TCAF1: variants seen among roughly 807,000 people sequenced by gnomAD.
The protein encoded by TCAF1 is TRPM8 channel-associated factor 1.
Under a neutral mutation model 27.3 loss-of-function variants are expected in TCAF1, and 4 were observed. The observed-to-expected ratio is 0.15, with a 90% confidence interval of 0.07 to 0.34. The LOEUF is 0.34. TCAF1 is among the 10% of genes least tolerant of loss of function. The pLI, the probability that TCAF1 is intolerant of heterozygous loss-of-function variation, is 1.00. For synonymous variants in TCAF1, 105 were observed against 167.1 expected, an observed-to-expected ratio of 0.63 and a Z score of 2.87; for missense variants, 257 against 425.8, an observed-to-expected ratio of 0.60 and a Z score of 3.49.
intron 1 of TCAF1, among the ~76,000 whole-genome samples, chr7:143,880,888 T>C (rs1012275243): frequency 6.6e-5 from 10 of 152,204 alleles, no homozygotes; most frequent in African/African-American, 2.4e-4. Flanking sequence ...TGAGCTCAAA[T>C]GAATAAAACC....
chr7:143,878,112 C>A (rs78866546), intron 1 of TCAF1, among the ~76,000 whole-genome samples: 1 of 152,102 alleles, frequency 6.6e-6, no homozygotes, highest in Non-Finnish European at 1.5e-5. Flanking sequence ...CTGCCATATA[C>A]GCTTGTCCTG....
chr7:143,878,942 C>T (rs1812865875), intron 1 of TCAF1, among the ~76,000 whole-genome samples: 1 of 152,092 alleles, frequency 6.6e-6, no homozygotes, highest in Non-Finnish European at 1.5e-5. Flanking sequence ...TTTCTAAAAC[C>T]ACTCTAATCA....
At chr7:143,898,247 A>G (rs1309015153) in intron 1 of TCAF1, among the ~76,000 whole-genome samples, 1 of 152,132 alleles carries the variant, frequency 6.6e-6, no homozygotes, top group Non-Finnish European at 1.5e-5. Context: ...GTCATTTTTA[A>G]GTTGACATAA....
chr7:143,891,126 T>G (rs1045682401), intron 1 of TCAF1, among the ~76,000 whole-genome samples: 1 of 152,206 alleles, frequency 6.6e-6, no homozygotes, highest in Non-Finnish European at 1.5e-5. Context: ...AAACTAATAT[T>G]TGATAGCATC....
intron 1 of TCAF1, among the ~76,000 whole-genome samples, chr7:143,899,050 T>G (rs1331490714): frequency 1.3e-5 from 2 of 152,212 alleles, no homozygotes; most frequent in Non-Finnish European, 2.9e-5. Flanking sequence ...TCCAGAACTG[T>G]GAGCTGATAA....
At chr7:143,885,503 A>C in intron 1 of TCAF1, 2 of 985,384 alleles carry the variant, frequency 2.0e-6, no homozygotes, top group Non-Finnish European at 2.4e-6. Context: ...TCCGGGATGG[A>C]GACCCAGACG....
chr7:143,882,880 G>A (rs1341131396), intron 1 of TCAF1: 5 of 985,332 alleles, frequency 5.1e-6, no homozygotes, highest in Non-Finnish European at 6.0e-6. Context: ...TGGAGCTGGA[G>A]GAGAGGAGGG....
At chr7:143,892,356 G>A (rs1813674719) in intron 1 of TCAF1, among the ~76,000 whole-genome samples, 1 of 151,834 alleles carries the variant, frequency 6.6e-6, no homozygotes, top group African/African-American at 2.4e-5. Context: ...AATCAATAAG[G>A]TGAACTGTAA....
chr7:143,900,959 T>C (rs1037849974), intron 1 of TCAF1, among the ~76,000 whole-genome samples: 2 of 152,064 alleles, frequency 1.3e-5, no homozygotes, highest in African/African-American at 2.4e-5. Context: ...ACAAATATGG[T>C]AAAACTAAAA....
At chr7:143,880,268 T>C (rs1812944710) in intron 1 of TCAF1, among the ~76,000 whole-genome samples, 1 of 152,086 alleles carries the variant, frequency 6.6e-6, no homozygotes, top group Admixed American at 6.5e-5. Flanking sequence ...AAACAAAAAC[T>C]CCAAAATCAT....
chr7:143,900,060 A>AAC (rs35997443), intron 1 of TCAF1, among the ~76,000 whole-genome samples: 60,634 of 151,878 alleles, frequency 0.4, 12,902 homozygotes, highest in African/African-American at 0.56. Context: ...ACACTTTGGA[A>AAC]AGTTTAGAAA....
intron 2 of TCAF1, among the ~76,000 whole-genome samples, chr7:143,872,256 T>C (rs1337897169): frequency 6.6e-6 from 1 of 152,040 alleles, no homozygotes. Flanking sequence ...TTTGAACAAT[T>C]AGAGACGTTT....
At chr7:143,893,691 T>C (rs1418545733) in intron 1 of TCAF1, among the ~76,000 whole-genome samples, 2 of 151,754 alleles carry the variant, frequency 1.3e-5, no homozygotes, top group Non-Finnish European at 1.5e-5. Flanking sequence ...ACAATGGAAA[T>C]TAGAAAATAT....
At chr7:143,878,654 T>C (rs564200487) in intron 1 of TCAF1, among the ~76,000 whole-genome samples, 2 of 152,340 alleles carry the variant, frequency 1.3e-5, no homozygotes, top group Non-Finnish European at 2.9e-5. Context: ...CAGGGGACTA[T>C]TGAGAAGATA....
chr7:143,870,941 A>G (rs1429907089), intron 2 of TCAF1, among the ~76,000 whole-genome samples: 2 of 108,380 alleles, frequency 1.8e-5, no homozygotes, highest in Admixed American at 1.1e-4. Flanking sequence ...GGACTGAGCA[A>G]ATAGGTAAAT....
intron 6 of TCAF1, among the ~76,000 whole-genome samples, chr7:143,859,976 ATATAT>A (rs1375132024): frequency 0.02 from 223 of 11,380 alleles, 40 homozygotes; most frequent in South Asian, 0.085. Flanking sequence ...ATTATATAAT[ATATAT>A]TATATAATAT....
intron 1 of TCAF1, among the ~76,000 whole-genome samples, chr7:143,900,866 C>T (rs753632459): frequency 1.1e-4 from 17 of 152,198 alleles, no homozygotes; most frequent in Non-Finnish European, 2.2e-4. Flanking sequence ...ATCTATAAAA[C>T]TTAAGAATAC....
At chr7:143,884,899 T>C (rs1376374902) in intron 1 of TCAF1, 2 of 615,840 alleles carry the variant, frequency 3.2e-6, no homozygotes, top group African/African-American at 4.0e-5. Flanking sequence ...GGAGAAGAAA[T>C]GCAGTATGAA....
intron 2 of TCAF1, among the ~76,000 whole-genome samples, chr7:143,875,157 A>C (rs1812620481): frequency 6.6e-6 from 1 of 152,152 alleles, no homozygotes; most frequent in African/African-American, 2.4e-5. Flanking sequence ...CATTCCCATC[A>C]GTCAGAAATA....
Sources: allele counts gnomAD v4.1 joint callset (sites outside exome capture counted in the v4.1 genomes callset), GRCh38; gene constraint gnomAD v4.1.1; transcripts MANE v1.5; gene names NCBI Gene and HGNC (gene_info 2026-07-23, HGNC 2026-07-21).